SOX5: variants seen among roughly 807,000 people sequenced by gnomAD.
SOX5 encodes the protein transcription factor SOX-5.
A neutral mutation model predicts 92.0 loss-of-function variants in SOX5; 9 were observed. The ratio of observed to expected loss-of-function variants is 0.10; its 90% CI spans 0.06 to 0.17. The LOEUF is 0.17. Ranked by LOEUF, SOX5 falls within the 10% of genes least tolerant of loss-of-function variation. The pLI is 1.00. For synonymous variants in SOX5, 344 were observed against 336.3 expected (o/e 1.02, Z -0.25); for missense variants, 642 against 944.5 (o/e 0.68, Z 4.20).
At chr12:23,636,616 T>C (rs2079278620) in intron 8 of SOX5, among the ~76,000 whole-genome samples, 1 of 152,174 alleles carries the variant, frequency 6.6e-6, no homozygotes, top group Non-Finnish European at 1.5e-5. Context: ...CAAAAAGAAG[T>C]ACCTGAATTA....
chr12:24,065,645 C>CAAAAAAAAAAA (rs71445983), intron 4 of SOX5, among the ~76,000 whole-genome samples: 54 of 81,600 alleles, frequency 6.6e-4, no homozygotes, highest in East Asian at 1.5e-3. Flanking sequence ...GACTCCATCT[C>CAAAAAAAAAAA]AAAAAAAAAA....
chr12:24,204,636 G>T (rs1279803669), intron 4 of SOX5, among the ~76,000 whole-genome samples: 2 of 152,138 alleles, frequency 1.3e-5, no homozygotes, highest in East Asian at 3.9e-4. Flanking sequence ...ACCCAGGCTA[G>T]TTTTAATATT....
chr12:24,110,843 G>GTGAGT (rs1251626025), intron 4 of SOX5, among the ~76,000 whole-genome samples: 6 of 141,300 alleles, frequency 4.2e-5, no homozygotes, highest in Non-Finnish European at 7.6e-5. Context: ...GGAGCTTGCA[G>GTGAGT]TGAGTTGAGA....
chr12:23,871,801 GATCATGAGACCCT>G (rs1027212472), intron 2 of SOX5, among the ~76,000 whole-genome samples: 76 of 151,942 alleles, frequency 5.0e-4, no homozygotes, highest in Non-Finnish European at 9.1e-4. Context: ...ATCAAAACAG[GATCATGAGACCCT>G]GAAAGTATTA....
chr12:24,056,951 G>A (rs1958180493), intron 4 of SOX5, among the ~76,000 whole-genome samples: 1 of 107,292 alleles, frequency 9.3e-6, no homozygotes, highest in Non-Finnish European at 2.0e-5. Flanking sequence ...CTCCAGCCTG[G>A]GCGACAGAGC....
At position 23,532,133 on chromosome 12, in the gene SOX5, A is replaced by G. The variant is rs1020657195; in HGVS notation, c.*2086T>C. On this transcript the variant is annotated 3_prime_UTR_variant, in exon 15 of 15. Coordinates refer to ENST00000451604, the MANE Select transcript of SOX5 (RefSeq NM_006940.6). ...TTACTATTATTATTATTATTTTATCATCATCATCATTACAACACTAGCAAA... is the reference window on the plus strand; with the variant it reads ...TTACTATTATTATTATTATTTTATCGTCATCATCATTACAACACTAGCAAA... The G allele has an allele frequency of 1.3e-5, 2 of 151,356 alleles. No individual in the cohort carries two copies. The highest frequency in any genetic ancestry group is 1.9e-4 in the East Asian group (1 of 5,172). 9.4% of individuals were successfully genotyped at this position (151,356 alleles called of 1,614,324 possible).
Position 23,552,733 on chromosome 12 carries a change from G to A in SOX5, c.1489-6309C>T, listed in dbSNP as rs372083090. Among the ~76,000 whole-genome samples the A allele has an allele frequency of 2.6e-5, 4 of 151,922 alleles. No homozygotes were observed. In the East Asian group the frequency reaches 5.8e-4, roughly 22 times the overall value. ...GAGCTGCCTATCCATTGAATGGGCTGTCTCAGGATGGAAGAAGTTTCCACC... is the reference window on the plus strand; with the variant it reads ...GAGCTGCCTATCCATTGAATGGGCTATCTCAGGATGGAAGAAGTTTCCACC... On this transcript the variant is annotated intron_variant, in intron 11 of 14. Coordinates refer to ENST00000451604, the MANE Select transcript of SOX5 (RefSeq NM_006940.6).
At chr12:23,542,416 A>G (rs1942259781) in intron 13 of SOX5, among the ~76,000 whole-genome samples, 2 of 152,080 alleles carry the variant, frequency 1.3e-5, no homozygotes, top group South Asian at 4.1e-4. Context: ...GATGTCAGAT[A>G]AGGCACAAAA....
chr12:23,610,442 T>TG (rs1390208046), intron 8 of SOX5, among the ~76,000 whole-genome samples: 2 of 152,152 alleles, frequency 1.3e-5, no homozygotes, highest in African/African-American at 4.8e-5. Flanking sequence ...ACCAGTAAAC[T>TG]CCTTGAAGGC....
intron 7 of SOX5, among the ~76,000 whole-genome samples, chr12:23,648,801 A>G (rs1298728779): frequency 6.6e-6 from 1 of 152,200 alleles, no homozygotes; most frequent in African/African-American, 2.4e-5. Context: ...ATATACAGCC[A>G]TATGTCAATA....
At chr12:24,298,783 C>CAAAAAAAAAAAAAAAAAAAAAA (rs10657648) in intron 2 of SOX5, among the ~76,000 whole-genome samples, 1 of 96,722 alleles carries the variant, frequency 1.0e-5, no homozygotes, top group Non-Finnish European at 2.2e-5. Flanking sequence ...CCAGAGTAGT[C>CAAAAAAAAAAAAAAAAAAAAAA]AAAAAAAAAA....
At chr12:23,787,640 G>C (rs1380110988) in intron 3 of SOX5, among the ~76,000 whole-genome samples, 1 of 151,902 alleles carries the variant, frequency 6.6e-6, no homozygotes, top group Non-Finnish European at 1.5e-5. Flanking sequence ...TTCAGTAAGA[G>C]AATATACTCA....
intron 6 of SOX5, among the ~76,000 whole-genome samples, chr12:23,698,116 T>C (rs769094418): frequency 6.6e-6 from 1 of 152,198 alleles, no homozygotes; most frequent in Non-Finnish European, 1.5e-5. Context: ...TAACTTTTCA[T>C]GTAGAGTCTA....
chr12:24,464,797 C>G (rs1023491259), intron 1 of SOX5, among the ~76,000 whole-genome samples: 1 of 152,176 alleles, frequency 6.6e-6, no homozygotes, highest in African/African-American at 2.4e-5. Flanking sequence ...TTTGTCCAAG[C>G]CCTACAGTTA....
At chr12:24,128,294 T>G (rs548592418) in intron 4 of SOX5, among the ~76,000 whole-genome samples, 10 of 152,338 alleles carry the variant, frequency 6.6e-5, no homozygotes, top group South Asian at 2.1e-4. Flanking sequence ...AAAAAAATTC[T>G]GTGCCAGTCC....
At chr12:24,374,505 A>G (rs1230652062) in intron 1 of SOX5, among the ~76,000 whole-genome samples, 1 of 143,378 alleles carries the variant, frequency 7.0e-6, no homozygotes, top group East Asian at 2.0e-4. Context: ...ACCACCACAC[A>G]CACACACACA....
At chr12:24,359,235 A>G (rs1055463234) in intron 2 of SOX5, among the ~76,000 whole-genome samples, 4 of 152,226 alleles carry the variant, frequency 2.6e-5, no homozygotes, top group Admixed American at 1.3e-4. Flanking sequence ...GTTGAAAACT[A>G]TATCACATTA....
intron 1 of SOX5, among the ~76,000 whole-genome samples, chr12:23,931,083 G>A (rs1200200698): frequency 2.0e-5 from 3 of 151,710 alleles, no homozygotes; most frequent in Non-Finnish European, 2.9e-5. Context: ...AACTAGCAGT[G>A]TCTAGCACAC....
intron 9 of SOX5, among the ~76,000 whole-genome samples, chr12:23,589,066 T>C (rs1464595178): frequency 2.0e-5 from 3 of 151,886 alleles, no homozygotes; most frequent in African/African-American, 7.2e-5. Context: ...TCACCAATGA[T>C]AGGACATATC....
Sources: allele counts gnomAD v4.1 joint callset (sites outside exome capture counted in the v4.1 genomes callset), GRCh38; gene constraint gnomAD v4.1.1; transcripts MANE v1.5; gene names NCBI Gene and HGNC (gene_info 2026-07-23, HGNC 2026-07-21).